Variants in PARD3 observed in about 807,000 individuals in gnomAD.
PARD3 encodes the protein par-3 family cell polarity regulator.
In PARD3, 75 loss-of-function variants were observed where a neutral mutation model predicts 155.4. That is an observed-to-expected ratio of 0.48 (90% CI 0.40 to 0.58). The LOEUF is 0.58. Ranked by LOEUF, PARD3 falls within the 20% of genes least tolerant of loss-of-function variation. The pLI is 0.00. For missense variants in PARD3, 1,642 were observed against 1,721.7 expected, an observed-to-expected ratio of 0.95 and a Z score of 0.82; for synonymous variants, 576 against 610.5, an observed-to-expected ratio of 0.94 and a Z score of 0.83.
intron 2 of PARD3, among the ~76,000 whole-genome samples, chr10:34,562,641 CT>C (rs35894670): frequency 1.3e-5 from 2 of 151,926 alleles, no homozygotes; most frequent in African/African-American, 4.8e-5. Context: ...ATGTTAAAAA[CT>C]TTTTTTTAAA....
intron 2 of PARD3, among the ~76,000 whole-genome samples, chr10:34,544,183 G>GA (rs564231118): frequency 1.8e-3 from 267 of 151,846 alleles, no homozygotes; most frequent in African/African-American, 5.8e-3. Flanking sequence ...AAAATTTTTG[G>GA]AAAAAAATGT....
intron 20 of PARD3, among the ~76,000 whole-genome samples, chr10:34,314,238 T>C (rs1957866838): frequency 1.3e-5 from 2 of 151,858 alleles, no homozygotes; most frequent in East Asian, 1.9e-4. Flanking sequence ...CCTGAGGGTA[T>C]ATTCATCTCA....
In PARD3 at chr10:34,421,779, C is replaced by T. The variant is rs536866010; in HGVS notation, c.715-19862G>A. Among the ~76,000 whole-genome samples, 2 of 152,080 alleles carry T rather than the reference C, an allele frequency of 1.3e-5. 1 individual carries two copies. Among genetic ancestry groups the T allele is most frequent in the South Asian group, 4.2e-4 (2 of 4,812 alleles). ...CTTCTGAAACTCATATTTTAATAGG[C>T]AGGGAAAGAAAATACACAATAAATG... On this transcript the variant is annotated intron_variant, in intron 5 of 24. Transcript: ENST00000374788.
At chr10:34,238,300 G>C (rs1162872410) in intron 22 of PARD3, among the ~76,000 whole-genome samples, 1 of 152,162 alleles carries the variant, frequency 6.6e-6, no homozygotes, top group Non-Finnish European at 1.5e-5. Context: ...GGCTATAAAT[G>C]TGCTCACTTC....
At chr10:34,604,639 A>C (rs986741999) in intron 2 of PARD3, among the ~76,000 whole-genome samples, 4 of 148,612 alleles carry the variant, frequency 2.7e-5, no homozygotes, top group Non-Finnish European at 5.9e-5. Flanking sequence ...TATATGATAT[A>C]TAAAATATAT....
At chr10:34,487,170 C>T (rs1015948375) in intron 3 of PARD3, among the ~76,000 whole-genome samples, 1 of 152,058 alleles carries the variant, frequency 6.6e-6, no homozygotes, top group African/African-American at 2.4e-5. Flanking sequence ...CTTCCAAGTT[C>T]TCTCTTCTGG....
At chr10:34,219,542 G>A (rs1320644379) in intron 22 of PARD3, among the ~76,000 whole-genome samples, 1 of 152,180 alleles carries the variant, frequency 6.6e-6, no homozygotes, top group Non-Finnish European at 1.5e-5. Flanking sequence ...AACAGGGATT[G>A]TTTTAATAGG....
intron 1 of PARD3, among the ~76,000 whole-genome samples, chr10:34,737,416 A>C (rs999797037): frequency 4.6e-5 from 7 of 152,184 alleles, no homozygotes; most frequent in African/African-American, 1.4e-4. Context: ...CTCCACCCCA[A>C]CAAGGACTAA....
At chr10:34,500,784 A>G (rs896358992) in intron 3 of PARD3, among the ~76,000 whole-genome samples, 2 of 152,182 alleles carry the variant, frequency 1.3e-5, no homozygotes, top group Non-Finnish European at 2.9e-5. Flanking sequence ...GAATACAGTA[A>G]CGTAACTTGT....
rs1393525819 is a variant in PARD3, at chr10:34,480,625, A to T, written c.404-10362T>A. Reference sequence around the variant, plus strand: ...CATTTTTACAACTCATCCACTCTAGACACACACCCCAACAAAGTAGGAACA... The same window carrying T: ...CATTTTTACAACTCATCCACTCTAGTCACACACCCCAACAAAGTAGGAACA... On this transcript the variant is annotated intron_variant, in intron 3 of 24. Transcript: ENST00000374788. 3.3e-5 allele frequency among the ~76,000 whole-genome samples: 5 copies of T among 152,138 alleles called. No homozygotes were observed. In the East Asian group the frequency reaches 9.6e-4, roughly 29 times the overall value.
chr10:34,535,577 C>T (rs1247236716), intron 2 of PARD3, among the ~76,000 whole-genome samples: 1 of 152,164 alleles, frequency 6.6e-6, no homozygotes, highest in Non-Finnish European at 1.5e-5. Context: ...ACCTCCATCT[C>T]CCAGGCTCAA....
intron 1 of PARD3, among the ~76,000 whole-genome samples, chr10:34,778,404 G>A (rs1222338324): frequency 6.6e-6 from 1 of 152,200 alleles, no homozygotes; most frequent in East Asian, 1.9e-4. Flanking sequence ...TAACCATCAT[G>A]TTCTCAGCTT....
At chr10:34,725,158 AG>A (rs2094685164) in intron 1 of PARD3, among the ~76,000 whole-genome samples, 1 of 40,954 alleles carries the variant, frequency 2.4e-5, no homozygotes, top group Admixed American at 3.0e-4. Context: ...TGTGACAGAG[AG>A]AGAGAGAGAG....
intron 1 of PARD3, among the ~76,000 whole-genome samples, chr10:34,704,608 A>T (rs953956284): frequency 6.6e-6 from 1 of 152,232 alleles, no homozygotes; most frequent in Non-Finnish European, 1.5e-5. Flanking sequence ...AGCAATTTAC[A>T]TAAAAATATT....
intron 5 of PARD3, among the ~76,000 whole-genome samples, chr10:34,427,967 G>A (rs188560172): frequency 6.6e-6 from 1 of 152,220 alleles, no homozygotes; most frequent in Non-Finnish European, 1.5e-5. Context: ...ACAGTGAAGT[G>A]GAATATGTGA....
chr10:34,270,681 C>A (rs1265494429), intron 21 of PARD3, among the ~76,000 whole-genome samples: 1 of 152,064 alleles, frequency 6.6e-6, no homozygotes, highest in Non-Finnish European at 1.5e-5. Context: ...AAACACGAAT[C>A]CACACCATAA....
At chr10:34,299,371 C>T (rs1042517851) in intron 20 of PARD3, among the ~76,000 whole-genome samples, 10 of 152,236 alleles carry the variant, frequency 6.6e-5, no homozygotes, top group African/African-American at 2.2e-4. Context: ...TTTGGGTACT[C>T]TCCAGTTGGT....
chr10:34,197,972 G>A (rs763686540), intron 22 of PARD3, among the ~76,000 whole-genome samples: 14 of 152,258 alleles, frequency 9.2e-5, no homozygotes, highest in East Asian at 7.7e-4. Context: ...TCTTGACATC[G>A]TGATCCGCCT....
At chr10:34,640,736 A>AAAAAAAAAAAAAAAAG (rs2092651601) in intron 2 of PARD3, among the ~76,000 whole-genome samples, 1 of 144,068 alleles carries the variant, frequency 6.9e-6, no homozygotes, top group African/African-American at 2.6e-5. Context: ...AAAAAAAAAA[A>AAAAAAAAAAAAAAAAG]GCACTTTTAG....
Sources: gnomAD v4.1 joint callset for allele counts (sites outside exome capture counted in the v4.1 genomes callset) on GRCh38, gnomAD v4.1.1 for gene constraint, MANE v1.5 for transcripts, NCBI Gene and HGNC (gene_info 2026-07-23, HGNC 2026-07-21) for gene names.